Variants in KIAA1217 observed in about 807,000 individuals in gnomAD.
The protein encoded by KIAA1217 is sickle tail protein homolog.
KIAA1217 carries 88 observed loss-of-function variants against 163.9 expected under a neutral mutation model. That is an observed-to-expected ratio of 0.54 (90% CI 0.45 to 0.64). The LOEUF is 0.64. KIAA1217 is among the 30% of genes least tolerant of loss of function. The pLI is 0.00. For missense variants in KIAA1217, 2,372 were observed against 2,475.0 expected, an observed-to-expected ratio of 0.96 and a Z score of 0.88; for synonymous variants, 903 against 923.1, an observed-to-expected ratio of 0.98 and a Z score of 0.39.
Position 23,977,791 on chromosome 10 carries a change from C to T in KIAA1217, c.-320-29434C>T, listed in dbSNP as rs540950223. ...TTTCCCTTTTAAGTTAATGCAGATG[C>T]CAGGTAATTTGGAAGAGACCAAATA... On this transcript the variant is annotated intron_variant, in intron 1 of 18. Transcript: ENST00000376462. Among the ~76,000 whole-genome samples, 105 of 152,232 alleles carry T rather than the reference C, an allele frequency of 6.9e-4. 1 individual carries two copies. The highest frequency in any genetic ancestry group is 4.1e-4 in the South Asian group (2 of 4,826).
chr10:23,739,669 A>G (rs768071498), intron 1 of KIAA1217, among the ~76,000 whole-genome samples: 2 of 152,120 alleles, frequency 1.3e-5, no homozygotes, highest in Non-Finnish European at 2.9e-5. Flanking sequence ...GCATGGCATA[A>G]TCTTACATTT....
intron 1 of KIAA1217, among the ~76,000 whole-genome samples, chr10:23,766,233 A>G (rs1834509961): frequency 6.6e-6 from 1 of 152,224 alleles, no homozygotes; most frequent in South Asian, 2.1e-4. Context: ...TGCAGCTGTC[A>G]CTAGTGGCAT....
rs577782171 is a variant in KIAA1217, at chr10:24,418,904, C to T, written c.554-14091C>T. On this transcript the variant is annotated intron_variant, in intron 3 of 20. Coordinates refer to ENST00000376454, the MANE Select transcript of KIAA1217 (RefSeq NM_019590.5). Reference sequence around the variant, plus strand: ...TCTTTAAGAAAATCTCTGCTGGGTGCGGTGGCTCACGCCTGTAATCCCAGC... The same window carrying T: ...TCTTTAAGAAAATCTCTGCTGGGTGTGGTGGCTCACGCCTGTAATCCCAGC... Among the ~76,000 whole-genome samples the T allele has an allele frequency of 3.4e-4, 51 of 151,576 alleles. No individual in the cohort carries two copies. The South Asian group carries it at 4.2e-3, about 12-fold the overall frequency.
At chr10:24,365,781 T>A (rs1015939244) in intron 2 of KIAA1217, among the ~76,000 whole-genome samples, 1 of 152,234 alleles carries the variant, frequency 6.6e-6, no homozygotes, top group Non-Finnish European at 1.5e-5. Flanking sequence ...GACCTGTTGT[T>A]TGGCTTTTTG....
intron 5 of KIAA1217, among the ~76,000 whole-genome samples, chr10:24,457,344 T>TTG (rs376333005): frequency 0.014 from 1,888 of 130,810 alleles, 27 homozygotes; most frequent in African/African-American, 0.044. Context: ...GTTTTTTGTT[T>TTG]TGTGTGTGTG....
At chr10:24,441,428 A>G (rs947497346) in intron 5 of KIAA1217, among the ~76,000 whole-genome samples, 1 of 152,196 alleles carries the variant, frequency 6.6e-6, no homozygotes, top group African/African-American at 2.4e-5. Flanking sequence ...CCTTTGAAAG[A>G]AAAGAAAATG....
chr10:23,900,649 C>T (rs144173030), intron 1 of KIAA1217, among the ~76,000 whole-genome samples: 18 of 152,112 alleles, frequency 1.2e-4, no homozygotes, highest in African/African-American at 3.1e-4. Context: ...TGGTCTATTA[C>T]CCTTGGAAGT....
Position 24,380,987 on chromosome 10 carries a change from C to A in KIAA1217, c.473C>A (p.Thr158Asn), listed in dbSNP as rs2053219265. The part of the protein sequence containing the change: ...LEAMSEGDAP[T>N]PFSRGSRTRA... ...GCCATGTCTGAGGGGGATGCTCCAA[C>A]CCCTTTTTCCAGAGGCAGCCGGACT... Residue 158 changes from threonine to asparagine, a missense_variant, in exon 3 of 21, where the codon ACC becomes AAC. Coordinates refer to ENST00000376454, the MANE Select transcript of KIAA1217 (RefSeq NM_019590.5). 1.9e-6 allele frequency: 3 copies of A among 1,608,870 alleles called. No individual in the cohort carries two copies. The highest frequency in any genetic ancestry group is 2.5e-6 in the Non-Finnish European group (3 of 1,177,278).
At chr10:24,479,998 G>GA (rs1387763170) in intron 6 of KIAA1217, among the ~76,000 whole-genome samples, 1 of 152,138 alleles carries the variant, frequency 6.6e-6, no homozygotes, top group Non-Finnish European at 1.5e-5. Context: ...CCACGTGGGG[G>GA]ATCACATTTC....
At chr10:23,748,969 C>T (rs985787366) in intron 1 of KIAA1217, among the ~76,000 whole-genome samples, 6 of 152,172 alleles carry the variant, frequency 3.9e-5, no homozygotes, top group Non-Finnish European at 7.3e-5. Context: ...TTCATCATCA[C>T]TTCTCTGCCA....
chr10:23,879,855 T>C (rs1041837632), intron 1 of KIAA1217, among the ~76,000 whole-genome samples: 1 of 151,918 alleles, frequency 6.6e-6, no homozygotes, highest in Admixed American at 6.6e-5. Flanking sequence ...GAAGAATTGA[T>C]GGAACAATCC....
chr10:24,495,100 A>G (rs63117861), intron 7 of KIAA1217, 47 bp from the exon 8 acceptor site: 2 of 1,471,250 alleles, frequency 1.4e-6, no homozygotes, highest in Non-Finnish European at 9.2e-7. Flanking sequence ...AAAAAAAAAA[A>G]GGCATTTTGG....
chr10:23,976,439 G>A (rs1031353343), intron 1 of KIAA1217, among the ~76,000 whole-genome samples: 4 of 152,066 alleles, frequency 2.6e-5, no homozygotes, highest in African/African-American at 7.2e-5. Flanking sequence ...ATGATAATTT[G>A]TACCCACAGG....
chr10:24,177,258 C>CATATATATATATATATAT (rs1210930891), intron 2 of KIAA1217, among the ~76,000 whole-genome samples: 5 of 25,146 alleles, frequency 2.0e-4, no homozygotes, highest in African/African-American at 7.2e-4. Context: ...CTCTCACCAT[C>CATATATATATATATATAT]ATATATATAT....
At chr10:23,904,334 A>C (rs1050317430) in intron 1 of KIAA1217, among the ~76,000 whole-genome samples, 1 of 152,176 alleles carries the variant, frequency 6.6e-6, no homozygotes, top group African/African-American at 2.4e-5. Context: ...CATGATTTTA[A>C]CAGATACCCG....
At chr10:24,369,218 T>TGTGTGTGTGTGTGTGTG (rs1564553011) in intron 2 of KIAA1217, among the ~76,000 whole-genome samples, 1 of 151,508 alleles carries the variant, frequency 6.6e-6, no homozygotes, top group Non-Finnish European at 1.5e-5. Context: ...TGTGTGTGTG[T>TGTGTGTGTGTGTGTGTG]TTTCATTTGA....
chr10:24,059,927 T>C (rs2131598436), intron 2 of KIAA1217, among the ~76,000 whole-genome samples: 1 of 152,294 alleles, frequency 6.6e-6, no homozygotes, highest in Admixed American at 6.5e-5. Context: ...TCTAGGAATG[T>C]ATCCATTTCA....
chr10:24,129,560 C>T (rs1452620565), intron 2 of KIAA1217, among the ~76,000 whole-genome samples: 1 of 152,076 alleles, frequency 6.6e-6, no homozygotes, highest in Non-Finnish European at 1.5e-5. Context: ...ACTTCATAAT[C>T]AATAGGACTC....
chr10:23,824,654 A>ATATATATATAT (rs1837800577), intron 1 of KIAA1217, among the ~76,000 whole-genome samples: 1 of 101,154 alleles, frequency 9.9e-6, no homozygotes, highest in African/African-American at 5.0e-5. Context: ...AAAAAAATAA[A>ATATATATATAT]AAAAATATAT....
Sources: gnomAD v4.1 joint callset for allele counts (sites outside exome capture counted in the v4.1 genomes callset) on GRCh38, gnomAD v4.1.1 for gene constraint, MANE v1.5 for transcripts, NCBI Gene and HGNC (gene_info 2026-07-23, HGNC 2026-07-21) for gene names.